The following PTPRD variants were observed in gnomAD, a reference collection of about 807,000 sequenced individuals.
PTPRD encodes the protein receptor-type tyrosine-protein phosphatase delta.
Under a neutral mutation model 214.5 loss-of-function variants are expected in PTPRD, and 34 were observed. That is an observed-to-expected ratio of 0.16 (90% confidence interval 0.12 to 0.21). PTPRD has a LOEUF of 0.21. PTPRD is among the 10% of genes least tolerant of loss of function. The pLI, the probability that PTPRD is intolerant of heterozygous loss-of-function variation, is 1.00. For synonymous variants in PTPRD, 1,128 were observed against 845.7 expected (o/e 1.33, Z -5.79); for missense variants, 2,545 against 2,398.7 (o/e 1.06, Z -1.27).
At chr9:10,070,861 G>T (rs890289255) in intron 3 of PTPRD, among the ~76,000 whole-genome samples, 5 of 151,768 alleles carry the variant, frequency 3.3e-5, no homozygotes, top group African/African-American at 1.2e-4. Flanking sequence ...ACCTTATTTT[G>T]TAGATTAAAA....
At chr9:10,064,241 G>A (rs958030609) in intron 3 of PTPRD, among the ~76,000 whole-genome samples, 2 of 151,950 alleles carry the variant, frequency 1.3e-5, no homozygotes, top group South Asian at 2.1e-4. Context: ...ATGGTGAATT[G>A]TTTTGAGGGG....
chr9:9,795,743 AT>A (rs2098998063), intron 5 of PTPRD, among the ~76,000 whole-genome samples: 1 of 151,878 alleles, frequency 6.6e-6, no homozygotes, highest in African/African-American at 2.4e-5. Context: ...ATGAAGTTGC[AT>A]GGTTTATGTT....
chr9:9,709,154 A>T, intron 7 of PTPRD, among the ~76,000 whole-genome samples: 1 of 152,036 alleles, frequency 6.6e-6, no homozygotes, highest in East Asian at 1.9e-4. Flanking sequence ...AAATACCAAA[A>T]CAAACTGAAT....
chr9:10,148,172 G>C (rs1401496546), intron 3 of PTPRD, among the ~76,000 whole-genome samples: 2 of 152,294 alleles, frequency 1.3e-5, no homozygotes, highest in South Asian at 2.1e-4. Context: ...GAAATCGGTG[G>C]AGTTGCTGGT....
At chr9:8,946,151 A>G (rs1488547013) in intron 11 of PTPRD, among the ~76,000 whole-genome samples, 3 of 152,226 alleles carry the variant, frequency 2.0e-5, no homozygotes, top group African/African-American at 7.2e-5. Context: ...TGTGTTCAAG[A>G]AAAAGATAAC....
intron 2 of PTPRD, among the ~76,000 whole-genome samples, chr9:10,549,209 T>C (rs2060783659): frequency 6.6e-6 from 1 of 152,170 alleles, no homozygotes; most frequent in Non-Finnish European, 1.5e-5. Context: ...CCATGTATTA[T>C]TAACTAATGT....
intron 11 of PTPRD, among the ~76,000 whole-genome samples, chr9:8,883,025 T>A (rs183751613): frequency 6.6e-6 from 1 of 152,032 alleles, no homozygotes; most frequent in Non-Finnish European, 1.5e-5. Context: ...CACATACTTT[T>A]TTCCCCCCAC....
intron 11 of PTPRD, among the ~76,000 whole-genome samples, chr9:8,848,088 T>G (rs917447176): frequency 3.3e-5 from 5 of 152,110 alleles, no homozygotes; most frequent in Non-Finnish European, 7.4e-5. Flanking sequence ...TAAACACTTC[T>G]GCTCCAGGAC....
rs3075574 is a variant in PTPRD at position 10,182,259 on chromosome 9, C to CAAA, written c.-544-148472_-544-148470dup. 3.7e-3 allele frequency among the ~76,000 whole-genome samples: 199 copies of CAAA among 54,390 alleles called. 6 individuals are homozygous for CAAA. Among genetic ancestry groups the CAAA allele is most frequent in the African/African-American group, 6.8e-3 (85 of 12,516 alleles). 35.7% of individuals were successfully genotyped at this position (54,390 alleles called of 152,430 possible). On this transcript the variant is annotated intron_variant, in intron 3 of 45. Transcript: ENST00000381196. Reference sequence around the variant, plus strand: ...TGGGCAGCACAGTGAGACTCTGCCTCAAAAAAAAAAAAAAAAAAAAGAAAA... The same window carrying CAAA: ...TGGGCAGCACAGTGAGACTCTGCCTCAAAAAAAAAAAAAAAAAAAAAAAGAAAA...
chr9:10,574,570 T>C (rs1433753696), intron 2 of PTPRD, among the ~76,000 whole-genome samples: 3 of 151,946 alleles, frequency 2.0e-5, no homozygotes, highest in Non-Finnish European at 4.4e-5. Context: ...CTGGCTAAGA[T>C]AGGGAAAGTT....
chr9:8,982,397 T>C (rs2099317429), intron 11 of PTPRD, among the ~76,000 whole-genome samples: 1 of 151,988 alleles, frequency 6.6e-6, no homozygotes, highest in Non-Finnish European at 1.5e-5. Context: ...TTCTCTCTGT[T>C]TTCCCAACAA....
chr9:8,813,537 A>G lies in PTPRD; in HGVS notation c.-103-79591T>C, dbSNP rs76470019. ...AAGGCACGTGCCACCATGCCTAGCC[A>G]ATTTAAAAATCTTCTGTTAAAGACA... is the stretch of plus-strand genomic sequence containing the variant. On this transcript the variant is annotated intron_variant, in intron 11 of 45. Coordinates refer to ENST00000381196, the MANE Select transcript of PTPRD (RefSeq NM_002839.4). Among the ~76,000 whole-genome samples the G allele has an allele frequency of 6.6e-3, 1,010 of 152,220 alleles. 14 individuals are homozygous for G. Among genetic ancestry groups the G allele is most frequent in the African/African-American group, 0.023 (948 of 41,544 alleles).
At chr9:8,903,054 G>A (rs2154253145) in intron 11 of PTPRD, among the ~76,000 whole-genome samples, 1 of 152,146 alleles carries the variant, frequency 6.6e-6, no homozygotes, top group Non-Finnish European at 1.5e-5. Flanking sequence ...ACATCAAATA[G>A]TGAAAATCTC....
intron 5 of PTPRD, among the ~76,000 whole-genome samples, chr9:9,817,463 T>G (rs537409447): frequency 2.1e-4 from 32 of 152,320 alleles, no homozygotes; most frequent in African/African-American, 7.7e-4. Flanking sequence ...ATTTCCACTT[T>G]GACTAACTAC....
At chr9:8,712,641 C>T (rs926951850) in intron 12 of PTPRD, among the ~76,000 whole-genome samples, 1 of 151,098 alleles carries the variant, frequency 6.6e-6, no homozygotes, top group Non-Finnish European at 1.5e-5. Flanking sequence ...AATCAAACAG[C>T]TGATCTCCTA....
At chr9:9,826,095 G>A (rs1423854582) in intron 5 of PTPRD, among the ~76,000 whole-genome samples, 1 of 151,634 alleles carries the variant, frequency 6.6e-6, no homozygotes, top group Non-Finnish European at 1.5e-5. Flanking sequence ...ACTCCTGCTT[G>A]TATGTTGGTC....
At chr9:8,565,161 G>C (rs16928132) in intron 14 of PTPRD, among the ~76,000 whole-genome samples, 3,122 of 149,910 alleles carry the variant, frequency 0.021, 95 homozygotes, top group East Asian at 0.076. Context: ...GTGGTTTTGA[G>C]TATAAGAAAT....
At chr9:8,324,686 A>G (rs1020172743) in intron 44 of PTPRD, among the ~76,000 whole-genome samples, 7 of 152,120 alleles carry the variant, frequency 4.6e-5, no homozygotes, top group Non-Finnish European at 7.4e-5. Flanking sequence ...ACTGTCTTCC[A>G]CACTGGTTTA....
chr9:9,543,175 T>G (rs1007335115), intron 8 of PTPRD, among the ~76,000 whole-genome samples: 6 of 151,704 alleles, frequency 4.0e-5, no homozygotes, highest in Non-Finnish European at 8.9e-5. Flanking sequence ...CAAAAACATT[T>G]TGTTGAGCAA....
Sources: gnomAD v4.1 joint callset for allele counts (sites outside exome capture counted in the v4.1 genomes callset) on GRCh38, gnomAD v4.1.1 for gene constraint, MANE v1.5 for transcripts, NCBI Gene and HGNC (gene_info 2026-07-23, HGNC 2026-07-21) for gene names.